Variants in TOM1L2 observed in about 807,000 individuals in gnomAD.
TOM1L2 encodes the protein TOM1-like protein 2.
A neutral mutation model predicts 67.9 loss-of-function variants in TOM1L2; 31 were observed. The observed-to-expected ratio is 0.46, with a 90% CI of 0.34 to 0.62. The LOEUF (loss-of-function observed/expected upper bound fraction) is 0.62, where lower values mean the gene tolerates loss of function less well. Ranked by LOEUF, TOM1L2 falls within the 20% of genes least tolerant of loss-of-function variation. The pLI, the probability that TOM1L2 is intolerant of heterozygous loss-of-function variation, is 0.01. For missense variants in TOM1L2, 606 were observed against 663.5 expected (o/e 0.91, Z 0.95); for synonymous variants, 256 against 254.0 (o/e 1.01, Z -0.07).
At chr17:17,957,529 A>G (rs1375924327) in intron 1 of TOM1L2, among the ~76,000 whole-genome samples, 2 of 152,192 alleles carry the variant, frequency 1.3e-5, no homozygotes. Context: ...ACATGTAAGC[A>G]TGTGTCAAAA....
chr17:17,934,465 A>C (rs2040442792), intron 1 of TOM1L2, among the ~76,000 whole-genome samples: 1 of 152,132 alleles, frequency 6.6e-6, no homozygotes, highest in Non-Finnish European at 1.5e-5. Flanking sequence ...ACACAAAAAA[A>C]CAGTATATAC....
Position 17,869,342 on chromosome 17 carries a change from C to T in TOM1L2, c.909G>A (p.Glu303=), listed in dbSNP as rs1364271756. Reference sequence around the variant, plus strand: ...AAAAAAAGAAATCCGGCTCCCACCTCTCGTATCGAAGGAAGACGTTGTTGA... The same window carrying T: ...AAAAAAAGAAATCCGGCTCCCACCTTTCGTATCGAAGGAAGACGTTGTTGA... ...DDLNNVFLRY[E]RFERYRSGRS... is the part of the protein sequence containing the mutation. Residue 303 remains glutamate (E), a splice_region_variant and synonymous_variant, in exon 8 of 15, where the codon GAG becomes GAA. Transcript: ENST00000379504. 6 of 1,610,472 alleles carry T rather than the reference C, an allele frequency of 3.7e-6. No homozygotes were observed. Among genetic ancestry groups the T allele is most frequent in the Non-Finnish European group, 5.1e-6 (6 of 1,179,478 alleles).
intron 2 of TOM1L2, among the ~76,000 whole-genome samples, chr17:17,904,936 C>A (rs1212416906): frequency 1.3e-5 from 2 of 152,206 alleles, no homozygotes; most frequent in Non-Finnish European, 2.9e-5. Flanking sequence ...GCCAGTCCTG[C>A]CAGGTGAGCG....
At chr17:17,878,221 G>A (rs1346641893) in intron 7 of TOM1L2, among the ~76,000 whole-genome samples, 5 of 152,264 alleles carry the variant, frequency 3.3e-5, no homozygotes, top group African/African-American at 7.2e-5. Context: ...ATATTCAGCT[G>A]GATCTGCTGA....
chr17:17,971,409 C>A (rs1397243381), intron 1 of TOM1L2, among the ~76,000 whole-genome samples: 1 of 152,106 alleles, frequency 6.6e-6, no homozygotes, highest in Non-Finnish European at 1.5e-5. Flanking sequence ...CACAGCCTCC[C>A]TTCTTTCCTG....
intron 2 of TOM1L2, among the ~76,000 whole-genome samples, chr17:17,905,075 G>A (rs1328734302): frequency 6.6e-6 from 1 of 152,222 alleles, no homozygotes; most frequent in Non-Finnish European, 1.5e-5. Context: ...AGGACGTGAG[G>A]AAGGTAGCCA....
At chr17:17,853,445 T>C (rs992452390) in intron 12 of TOM1L2, among the ~76,000 whole-genome samples, 1 of 152,208 alleles carries the variant, frequency 6.6e-6, no homozygotes, top group Non-Finnish European at 1.5e-5. Context: ...AACAAATCCC[T>C]TGAGGCCTGG....
At chr17:17,951,085 T>C (rs1365840860) in intron 1 of TOM1L2, among the ~76,000 whole-genome samples, 1 of 152,126 alleles carries the variant, frequency 6.6e-6, no homozygotes, top group Non-Finnish European at 1.5e-5. Flanking sequence ...GGGGCAGACC[T>C]GTTCAAGTTT....
At chr17:17,937,814 G>C (rs2040569521) in intron 1 of TOM1L2, among the ~76,000 whole-genome samples, 1 of 152,200 alleles carries the variant, frequency 6.6e-6, no homozygotes, top group South Asian at 2.1e-4. Context: ...CACAGTGGAG[G>C]GGGGCATGTG....
intron 11 of TOM1L2, chr17:17,862,231 G>A (rs2036597009): frequency 6.5e-6 from 1 of 153,722 alleles, no homozygotes; most frequent in Admixed American, 6.5e-5. Flanking sequence ...TGAGATGTAG[G>A]AGATTCTCTC....
chr17:17,951,165 T>C (rs909109321), intron 1 of TOM1L2, among the ~76,000 whole-genome samples: 2 of 152,104 alleles, frequency 1.3e-5, no homozygotes, highest in East Asian at 1.9e-4. Flanking sequence ...TCCTAGATGA[T>C]AATACCCACT....
At chr17:17,856,760 G>A (rs1007831962) in intron 12 of TOM1L2, among the ~76,000 whole-genome samples, 3 of 152,182 alleles carry the variant, frequency 2.0e-5, no homozygotes, top group Non-Finnish European at 4.4e-5. Context: ...AGGTGAAATG[G>A]TCATCCCAAG....
chr17:17,943,211 C>G (rs78224599), intron 1 of TOM1L2, among the ~76,000 whole-genome samples: 2,029 of 152,314 alleles, frequency 0.013, 22 homozygotes, highest in African/African-American at 0.041. Flanking sequence ...AGAAGCAGGT[C>G]TCAAACTGGG....
chr17:17,944,195 C>T (rs1395005742), intron 1 of TOM1L2, among the ~76,000 whole-genome samples: 1 of 152,234 alleles, frequency 6.6e-6, no homozygotes, highest in African/African-American at 2.4e-5. Flanking sequence ...GTTGTGCAAG[C>T]CATCATGGTG....
At chr17:17,967,121 G>A (rs2041900260) in intron 1 of TOM1L2, among the ~76,000 whole-genome samples, 1 of 152,136 alleles carries the variant, frequency 6.6e-6, no homozygotes, top group Non-Finnish European at 1.5e-5. Context: ...AGCAATCTGA[G>A]GGACAACTAA....
intron 9 of TOM1L2, 47 bp downstream of exon 9, chr17:17,866,829 G>T: frequency 6.4e-7 from 1 of 1,561,810 alleles, no homozygotes; most frequent in Non-Finnish European, 8.8e-7. Context: ...AACGTGGAGG[G>T]GTAGGTCTGG....
intron 4 of TOM1L2, among the ~76,000 whole-genome samples, chr17:17,885,489 A>C (rs1297827297): frequency 6.6e-6 from 1 of 152,240 alleles, no homozygotes; most frequent in African/African-American, 2.4e-5. Context: ...CAAAAATGTC[A>C]GCACATGTGT....
intron 12 of TOM1L2, chr17:17,860,052 G>C (rs1490181344): frequency 6.6e-6 from 1 of 152,326 alleles, no homozygotes; most frequent in Non-Finnish European, 1.5e-5. Flanking sequence ...GGGTGCAGCA[G>C]GACACACCCT....
At chr17:17,895,479 A>G (rs2038521775) in intron 3 of TOM1L2, among the ~76,000 whole-genome samples, 1 of 152,246 alleles carries the variant, frequency 6.6e-6, no homozygotes, top group South Asian at 2.1e-4. Flanking sequence ...GCCAGGCACT[A>G]TGAGAGATCC....
Sources: allele counts gnomAD v4.1 joint callset (sites outside exome capture counted in the v4.1 genomes callset), GRCh38; gene constraint gnomAD v4.1.1; transcripts MANE v1.5; gene names NCBI Gene and HGNC (gene_info 2026-07-23, HGNC 2026-07-21).